KMT2E: variants seen among roughly 807,000 people sequenced by gnomAD.
KMT2E encodes the protein lysine methyltransferase 2E (inactive).
KMT2E carries 30 observed loss-of-function variants against 184.6 expected under a neutral mutation model. The observed-to-expected ratio is 0.16, with a 90% CI of 0.12 to 0.22. The LOEUF (loss-of-function observed/expected upper bound fraction) is 0.22. KMT2E is among the 10% of genes least tolerant of loss of function. KMT2E has a pLI of 1.00. For missense variants in KMT2E, 2,023 were observed against 2,237.4 expected, an observed-to-expected ratio of 0.90 and a Z score of 1.93; for synonymous variants, 815 against 776.5, an observed-to-expected ratio of 1.05 and a Z score of -0.82.
Position 105,112,586 on chromosome 7 carries a change from G to A in KMT2E, c.4830G>A (p.Leu1610=), listed in dbSNP as rs368645606. ...ACCACGTGACTCCAGGGCATTTTTT[G>A]CCCTCTCAGAACCCTACCATTCACC... ...PGHHVTPGHF[L]PSQNPTIHHQ... Residue 1610 remains leucine (L), a synonymous_variant, in exon 27 of 27, where the codon TTG becomes TTA. Coordinates refer to ENST00000311117, the MANE Select transcript of KMT2E (RefSeq NM_182931.3). The A allele has an allele frequency of 3.1e-6, 5 of 1,613,766 alleles. No homozygotes were observed. Among genetic ancestry groups the A allele is most frequent in the Non-Finnish European group, 4.2e-6 (5 of 1,179,936 alleles).
intron 15 of KMT2E, among the ~76,000 whole-genome samples, chr7:105,092,284 C>T (rs1453790970): frequency 6.6e-6 from 1 of 152,122 alleles, no homozygotes; most frequent in African/African-American, 2.4e-5. Context: ...GGCTTATATT[C>T]CCAGCTATTC....
chr7:105,070,764 G>A (rs1318172152), intron 6 of KMT2E, among the ~76,000 whole-genome samples: 1 of 151,500 alleles, frequency 6.6e-6, no homozygotes, highest in Non-Finnish European at 1.5e-5. Context: ...AGTGAGTTAT[G>A]ATTGTGCCAC....
Position 105,081,749 on chromosome 7 carries a change from C to T in KMT2E, c.1310C>T (p.Pro437Leu). The part of the protein sequence containing the change: ...HLYIYSIHSI[P>L]KGTEITIAFD... Reference sequence around the variant, plus strand: ...TATATTTATTCTATACACAGTATTCCAAAGGGAACTGAAATTACTATTGCC... The same window carrying T: ...TATATTTATTCTATACACAGTATTCTAAAGGGAACTGAAATTACTATTGCC... Residue 437 changes from proline (P) to leucine (L), a missense_variant, in exon 13 of 27, where the codon CCA becomes CTA. Transcript: ENST00000311117. 1 of 1,545,388 alleles carries T rather than the reference C, an allele frequency of 6.5e-7. No homozygotes were observed. Among genetic ancestry groups the T allele is most frequent in the Non-Finnish European group, 8.9e-7 (1 of 1,129,222 alleles).
At chr7:105,074,547 A>G (rs1797451387) in intron 7 of KMT2E, 96 bp from the exon 8 acceptor site, 1 of 879,544 alleles carries the variant, frequency 1.1e-6, no homozygotes, top group African/African-American at 1.7e-5. Flanking sequence ...ATTTAGAAAG[A>G]TGGAGACGAC....
At chr7:105,019,811 A>G (rs1378764264) in intron 1 of KMT2E, among the ~76,000 whole-genome samples, 6 of 152,160 alleles carry the variant, frequency 3.9e-5, no homozygotes, top group Non-Finnish European at 8.8e-5. Flanking sequence ...ATCAGATATT[A>G]ATTATTAAAA....
At chr7:105,040,811 C>CT in intron 2 of KMT2E, 28 bp from the exon 3 acceptor site, 1 of 492,782 alleles carries the variant, frequency 2.0e-6, no homozygotes, top group Non-Finnish European at 3.7e-6. Flanking sequence ...GTGACTGTTG[C>CT]TTTTTTGTCT....
chr7:105,107,677 A>G lies in KMT2E; in HGVS notation c.3220A>G (p.Thr1074Ala). 6.2e-7 allele frequency: 1 copy of G among 1,614,166 alleles called. No homozygotes were observed. Residue 1074 changes from threonine (T) to alanine (A), a missense_variant, in exon 22 of 27, where the codon ACA becomes GCA. Thr to Ala is a moderately conservative substitution (Grantham distance 58). Coordinates refer to ENST00000311117, the MANE Select transcript of KMT2E (RefSeq NM_182931.3). ...TTCCTGGGTAAAGAGCCCTGACAGAACAGGAGTTAACTTCTCAGTGAACTC... is the reference window on the plus strand; with the variant it reads ...TTCCTGGGTAAAGAGCCCTGACAGAGCAGGAGTTAACTTCTCAGTGAACTC... Reference protein sequence around the residue: ...YSSWVKSPDRTGVNFSVNSNL... With the variant: ...YSSWVKSPDRAGVNFSVNSNL...
intron 10 of KMT2E, 50 bp downstream of exon 10, chr7:105,077,243 T>C (rs1346626631): frequency 6.2e-7 from 1 of 1,602,082 alleles, no homozygotes; most frequent in East Asian, 2.2e-5. Context: ...ATATTGTGAA[T>C]TTTTAGTTAA....
intron 13 of KMT2E, among the ~76,000 whole-genome samples, chr7:105,085,042 CTTTTTT>C (rs548127073): frequency 7.0e-6 from 1 of 142,250 alleles, no homozygotes; most frequent in African/African-American, 2.6e-5. Flanking sequence ...ATAACTTTTT[CTTTTTT>C]TTTTAATATT....
At chr7:105,099,538 ATC>A (rs575435056) in intron 15 of KMT2E, among the ~76,000 whole-genome samples, 217 of 152,294 alleles carry the variant, frequency 1.4e-3, no homozygotes, top group Non-Finnish European at 2.5e-3. Context: ...ATATAGTTTT[ATC>A]TCTGACCAAA....
intron 5 of KMT2E, 149 bp downstream of exon 5, chr7:105,063,729 C>G: frequency 1.7e-6 from 1 of 588,800 alleles, no homozygotes; most frequent in East Asian, 2.9e-5. Flanking sequence ...CTAGAAAAAG[C>G]CTCCTATGTG....
chr7:105,062,948 T>A (rs1486156504), intron 4 of KMT2E, among the ~76,000 whole-genome samples: 2 of 151,726 alleles, frequency 1.3e-5, no homozygotes, highest in African/African-American at 2.4e-5. Context: ...AAATATGTCT[T>A]GTTTTATTAT....
At chr7:105,098,113 TTATC>T (rs1798494673) in intron 15 of KMT2E, among the ~76,000 whole-genome samples, 1 of 152,214 alleles carries the variant, frequency 6.6e-6, no homozygotes, top group Non-Finnish European at 1.5e-5. Context: ...ATTTATAAGT[TTATC>T]TTTGTTATAT....
chr7:105,075,260 A>T (rs943110631), intron 8 of KMT2E, among the ~76,000 whole-genome samples: 1 of 148,714 alleles, frequency 6.7e-6, no homozygotes, highest in African/African-American at 2.5e-5. Flanking sequence ...ATTTGGATCT[A>T]TATTGCTAGC....
At chr7:105,101,717 A>G (rs1038416566) in intron 16 of KMT2E, 128 bp downstream of exon 16, 8 of 969,476 alleles carry the variant, frequency 8.3e-6, no homozygotes, top group South Asian at 2.2e-5. Flanking sequence ...TTCAGATCCT[A>G]TGGGAGTTTC....
At chr7:105,058,213 TCTTTTC>T (rs1796650283) in intron 3 of KMT2E, among the ~76,000 whole-genome samples, 1 of 152,202 alleles carries the variant, frequency 6.6e-6, no homozygotes, top group African/African-American at 2.4e-5. Context: ...CGAGTTCTGT[TCTTTTC>T]CTTTTCTCTT....
intron 3 of KMT2E, among the ~76,000 whole-genome samples, chr7:105,055,703 ATC>A (rs925258062): frequency 1.3e-5 from 2 of 152,150 alleles, no homozygotes; most frequent in African/African-American, 4.8e-5. Flanking sequence ...TGTTGTTGTT[ATC>A]TCTGACTGCA....
Position 105,107,352 on chromosome 7 carries a change from T to C in KMT2E, c.2905-10T>C. Reference sequence around the variant, plus strand: ...TATTTGTGTAATTTTTTTTTTTAATTTGTAAACAGGGATATGACAGATCTT... The same window carrying C: ...TATTTGTGTAATTTTTTTTTTTAATCTGTAAACAGGGATATGACAGATCTT... On this transcript the variant is annotated splice_polypyrimidine_tract_variant and intron_variant, in intron 21 of 26. Coordinates refer to ENST00000311117, the MANE Select transcript of KMT2E (RefSeq NM_182931.3). 1 of 1,552,622 alleles carries C rather than the reference T, an allele frequency of 6.4e-7. No individual in the cohort carries two copies. The highest frequency in any genetic ancestry group is 8.7e-7 in the Non-Finnish European group (1 of 1,153,418).
chr7:105,019,185 C>T (rs1250920172), intron 1 of KMT2E, among the ~76,000 whole-genome samples: 3 of 152,086 alleles, frequency 2.0e-5, no homozygotes, highest in Non-Finnish European at 4.4e-5. Context: ...TAATTCATAT[C>T]TTTAAGGATA....
Sources: allele counts gnomAD v4.1 joint callset (sites outside exome capture counted in the v4.1 genomes callset), GRCh38; gene constraint gnomAD v4.1.1; transcripts MANE v1.5; gene names NCBI Gene and HGNC (gene_info 2026-07-23, HGNC 2026-07-21).